Variants in CERKL observed in about 807,000 individuals in gnomAD.
The protein encoded by CERKL is CERK like autophagy regulator, also known as ceramide kinase-like protein.
CERKL carries 61 observed loss-of-function variants against 63.4 expected under a neutral mutation model. That is an observed-to-expected ratio of 0.96 (90% CI 0.78 to 1.19). The LOEUF is 1.19. CERKL is among the 50% of genes most tolerant of loss of function. The pLI is 0.00. For synonymous variants in CERKL, 250 were observed against 230.5 expected, an observed-to-expected ratio of 1.08 and a Z score of -0.77; for missense variants, 675 against 655.5, an observed-to-expected ratio of 1.03 and a Z score of -0.33.
chr2:181,598,451 C>T (rs1685314517), intron 2 of CERKL, among the ~76,000 whole-genome samples: 2 of 152,012 alleles, frequency 1.3e-5, no homozygotes, highest in African/African-American at 4.8e-5. Flanking sequence ...TGCACCTCCC[C>T]CTATCTCCCC....
chr2:181,632,462 G>C (rs2105483684), intron 1 of CERKL, among the ~76,000 whole-genome samples: 1 of 152,286 alleles, frequency 6.6e-6, no homozygotes, highest in African/African-American at 2.4e-5. Context: ...AATTAACTTT[G>C]CTATTCTTCA....
At chr2:181,564,398 A>G (rs1371999091) in intron 4 of CERKL, among the ~76,000 whole-genome samples, 1 of 152,204 alleles carries the variant, frequency 6.6e-6, no homozygotes, top group Non-Finnish European at 1.5e-5. Flanking sequence ...CTCAATTCAT[A>G]TAATGGTTAG....
At chr2:181,588,369 G>T (rs1442579890) in intron 2 of CERKL, among the ~76,000 whole-genome samples, 1 of 152,022 alleles carries the variant, frequency 6.6e-6, no homozygotes, top group Non-Finnish European at 1.5e-5. Flanking sequence ...TTGGTGGCTG[G>T]CTTATTACAC....
At chr2:181,604,310 T>TA (rs1458941140) in intron 1 of CERKL, among the ~76,000 whole-genome samples, 1 of 152,034 alleles carries the variant, frequency 6.6e-6, no homozygotes, top group Non-Finnish European at 1.5e-5. Flanking sequence ...ACCTAAAAGT[T>TA]AAAAAATAAA....
At chr2:181,651,547 C>G (rs1687939103) in intron 1 of CERKL, among the ~76,000 whole-genome samples, 1 of 152,068 alleles carries the variant, frequency 6.6e-6, no homozygotes, top group African/African-American at 2.4e-5. Flanking sequence ...ATGACAAATC[C>G]ACAGCTAACA....
At chr2:181,618,268 T>TA (rs141058070) in intron 1 of CERKL, among the ~76,000 whole-genome samples, 5 of 19,794 alleles carry the variant, frequency 2.5e-4, no homozygotes, top group Middle Eastern at 0.021. Context: ...TACACAATAT[T>TA]TTTTTTTTTT....
intron 1 of CERKL, among the ~76,000 whole-genome samples, chr2:181,630,481 C>CTTTT (rs1435345370): frequency 6.6e-6 from 1 of 152,142 alleles, no homozygotes; most frequent in African/African-American, 2.4e-5. Context: ...GAGACAGGGC[C>CTTTT]TTAAATAGGG....
At chr2:181,649,650 T>C (rs1369896058) in intron 1 of CERKL, 1 of 152,220 alleles carries the variant, frequency 6.6e-6, no homozygotes, top group Non-Finnish European at 1.5e-5. Context: ...TGAGGAGAGA[T>C]CACATGTTAG....
chr2:181,639,415 G>T (rs1687324457), intron 1 of CERKL, among the ~76,000 whole-genome samples: 1 of 151,950 alleles, frequency 6.6e-6, no homozygotes, highest in Non-Finnish European at 1.5e-5. Context: ...GGGTATGTTT[G>T]GTGGTTTCCA....
rs748428407 is a variant in CERKL, at chr2:181,537,878, G to A, written c.*306C>T. On this transcript the variant is annotated 3_prime_UTR_variant, in exon 13 of 13. Coordinates refer to ENST00000410087, the MANE Select transcript of CERKL (RefSeq NM_201548.5). ...CGTTTGGCCACACAGCAGGAGGTTA[G>A]AGCAATGGAGCATTACTGAGTTCCT... 17 of 539,068 alleles carry A rather than the reference G, an allele frequency of 3.2e-5. No individual in the cohort carries two copies. Among genetic ancestry groups the A allele is most frequent in the Non-Finnish European group, 5.3e-5 (15 of 282,166 alleles). 33.4% of individuals were successfully genotyped at this position (539,068 alleles called of 1,614,324 possible). A position where few individuals can be genotyped will look rare whatever the true frequency, so the allele number is the denominator to read the frequency against.
intron 1 of CERKL, among the ~76,000 whole-genome samples, chr2:181,640,541 G>A (rs564597701): frequency 6.6e-6 from 1 of 152,264 alleles, no homozygotes; most frequent in South Asian, 2.1e-4. Context: ...ATATGGTTAT[G>A]ATCAGTATTC....
At chr2:181,596,210 T>C (rs1468777575) in intron 2 of CERKL, among the ~76,000 whole-genome samples, 1 of 152,212 alleles carries the variant, frequency 6.6e-6, no homozygotes, top group East Asian at 1.9e-4. Context: ...ACAATGAATA[T>C]ACTTCTTAAC....
intron 5 of CERKL, among the ~76,000 whole-genome samples, chr2:181,552,713 T>G (rs924190360): frequency 1.3e-5 from 2 of 152,110 alleles, no homozygotes; most frequent in Non-Finnish European, 2.9e-5. Flanking sequence ...GATCATTATG[T>G]CAATTTTATG....
At chr2:181,595,403 T>C (rs1237603361) in intron 2 of CERKL, among the ~76,000 whole-genome samples, 2 of 152,082 alleles carry the variant, frequency 1.3e-5, no homozygotes, top group Non-Finnish European at 1.5e-5. Flanking sequence ...TGAATCATCA[T>C]GATTAGAAAA....
intron 1 of CERKL, among the ~76,000 whole-genome samples, chr2:181,614,376 A>G (rs1686103659): frequency 6.6e-6 from 1 of 152,212 alleles, no homozygotes; most frequent in South Asian, 2.1e-4. Flanking sequence ...AATTAAAGAG[A>G]AAAAAGGGAA....
At chr2:181,620,778 A>G (rs1686415359) in intron 1 of CERKL, among the ~76,000 whole-genome samples, 1 of 152,150 alleles carries the variant, frequency 6.6e-6, no homozygotes, top group Admixed American at 6.5e-5. Flanking sequence ...GTGGCAGGGA[A>G]TAGAGGGAAG....
intron 10 of CERKL, among the ~76,000 whole-genome samples, chr2:181,547,152 C>T (rs921348993): frequency 9.9e-5 from 15 of 152,156 alleles, no homozygotes; most frequent in Non-Finnish European, 2.1e-4. Context: ...GTCCATTAAA[C>T]CTCTTTCTTT....
intron 1 of CERKL, among the ~76,000 whole-genome samples, chr2:181,641,302 CATATATATATAT>C (rs1174454591): frequency 7.2e-5 from 7 of 97,116 alleles, no homozygotes; most frequent in African/African-American, 1.9e-4. Flanking sequence ...TATGTGTATG[CATATATATATAT>C]ATATATATAT....
intron 1 of CERKL, among the ~76,000 whole-genome samples, chr2:181,656,504 G>A (rs1278906419): frequency 6.6e-6 from 1 of 152,068 alleles, no homozygotes; most frequent in African/African-American, 2.4e-5. Context: ...ACGTTTGCCC[G>A]GGGAAGGTCT....
Sources: allele counts gnomAD v4.1 joint callset (sites outside exome capture counted in the v4.1 genomes callset), GRCh38; gene constraint gnomAD v4.1.1; transcripts MANE v1.5; gene names NCBI Gene and HGNC (gene_info 2026-07-23, HGNC 2026-07-21).